ALK: variants seen among roughly 807,000 people sequenced by gnomAD.
The protein encoded by ALK is ALK receptor tyrosine kinase.
In ALK, 74 loss-of-function variants were observed where a neutral mutation model predicts 163.1. The observed-to-expected ratio is 0.45, with a 90% confidence interval of 0.38 to 0.55. ALK has a LOEUF of 0.55. Ranked by LOEUF, ALK falls within the 20% of genes least tolerant of loss-of-function variation. ALK has a pLI of 0.00. For missense variants in ALK, 2,063 were observed against 2,105.3 expected (o/e 0.98, Z 0.39); for synonymous variants, 960 against 843.2 (o/e 1.14, Z -2.40).
chr2:29,423,235 C>G lies in ALK; in HGVS notation c.1155-39376G>C, dbSNP rs540015863. ...GAAAAATGAGGAAGAGGAGGAGAAA[C>G]AAGGGGGAGGAGGAGGAACCTGAGA... On this transcript the variant is annotated intron_variant, in intron 4 of 28. Coordinates refer to ENST00000389048, the MANE Select transcript of ALK (RefSeq NM_004304.5). Among the ~76,000 whole-genome samples, 9 of 152,126 alleles carry G rather than the reference C, an allele frequency of 5.9e-5. No individual in the cohort carries two copies. In the South Asian group the frequency reaches 1.7e-3, roughly 28 times the overall value.
At chr2:29,385,382 GT>G (rs59445973) in intron 4 of ALK, among the ~76,000 whole-genome samples, 49,968 of 138,002 alleles carry the variant, frequency 0.36, 8,752 homozygotes, top group East Asian at 0.48. Flanking sequence ...CTGTCAGGTT[GT>G]TTTTTTTTTT....
intron 1 of ALK, among the ~76,000 whole-genome samples, chr2:29,861,007 C>A (rs756034113): frequency 1.3e-5 from 2 of 151,900 alleles, no homozygotes; most frequent in African/African-American, 2.4e-5. Flanking sequence ...CCTATCTCTA[C>A]AAAAAAATAA....
At chr2:29,866,293 C>T (rs1666433210) in intron 1 of ALK, among the ~76,000 whole-genome samples, 1 of 152,198 alleles carries the variant, frequency 6.6e-6, no homozygotes, top group Non-Finnish European at 1.5e-5. Context: ...AGGAACTGAA[C>T]TCACTCCCAC....
rs373690440 is a variant in ALK, at chr2:29,320,734, C to T, written c.1546+17G>A. On this transcript the variant is annotated intron_variant, in intron 7 of 28. Coordinates refer to ENST00000389048, the MANE Select transcript of ALK (RefSeq NM_004304.5). ...ATGAAGATGGGCACCAGAGAGAAGG[C>T]AGGAGAGCAGTAGTACCTTGGTGGT... is the stretch of plus-strand genomic sequence containing the variant. 2.5e-6 allele frequency: 4 copies of T among 1,612,936 alleles called. No homozygotes were observed. The highest frequency in any genetic ancestry group is 2.7e-5 in the African/African-American group (2 of 74,892).
intron 6 of ALK, among the ~76,000 whole-genome samples, chr2:29,322,738 G>A (rs1256790174): frequency 6.6e-6 from 1 of 152,254 alleles, no homozygotes; most frequent in African/African-American, 2.4e-5. Context: ...GGAGGCTGAG[G>A]CAGGAGAATC....
chr2:29,194,896 A>G (rs1233528674), intron 28 of ALK, among the ~76,000 whole-genome samples: 1 of 152,158 alleles, frequency 6.6e-6, no homozygotes, highest in Non-Finnish European at 1.5e-5. Flanking sequence ...TGTGTGCTAG[A>G]TCATTTTCAC....
Position 29,255,843 on chromosome 2 carries a change from T to C in ALK, c.2042-4576A>G, listed in dbSNP as rs1275144359. Among the ~76,000 whole-genome samples, 7 of 152,306 alleles carry C rather than the reference T, an allele frequency of 4.6e-5. No homozygotes were observed. In the East Asian group the frequency reaches 9.6e-4, roughly 21 times the overall value. On this transcript the variant is annotated intron_variant, in intron 11 of 28. Transcript: ENST00000389048. The stretch of plus-strand genomic sequence containing the variant: ...TATTCTGTTTTATCTATAGTGTCTC[T>C]CTGAAGCTGCTCCATACACTATTGA...
At chr2:29,463,404 G>A (rs1188337764) in intron 4 of ALK, among the ~76,000 whole-genome samples, 1 of 152,134 alleles carries the variant, frequency 6.6e-6, no homozygotes, top group South Asian at 2.1e-4. Flanking sequence ...CTGTTCTTTG[G>A]TTTATTCAGA....
chr2:29,538,082 T>C (rs184110074), intron 3 of ALK, among the ~76,000 whole-genome samples: 11 of 152,356 alleles, frequency 7.2e-5, no homozygotes, highest in Admixed American at 2.6e-4. Flanking sequence ...ACATGAGGCT[T>C]TGGACTGTGG....
chr2:29,341,320 C>T (rs1478210859), intron 5 of ALK, among the ~76,000 whole-genome samples: 2 of 152,134 alleles, frequency 1.3e-5, no homozygotes, highest in African/African-American at 2.4e-5. Context: ...TGATGGCTGC[C>T]CACTCATACC....
At chr2:29,845,568 G>A (rs1665821554) in intron 1 of ALK, among the ~76,000 whole-genome samples, 1 of 152,082 alleles carries the variant, frequency 6.6e-6, no homozygotes, top group Non-Finnish European at 1.5e-5. Context: ...CCAAGTAGCT[G>A]GGAGTACGGG....
At chr2:29,714,496 C>T (rs573840308) in intron 2 of ALK, among the ~76,000 whole-genome samples, 1 of 152,238 alleles carries the variant, frequency 6.6e-6, no homozygotes, top group South Asian at 2.1e-4. Context: ...AAAAGAAAGC[C>T]ATTCCAATTC....
At chr2:29,350,322 T>C (rs1397173657) in intron 5 of ALK, among the ~76,000 whole-genome samples, 1 of 152,220 alleles carries the variant, frequency 6.6e-6, no homozygotes, top group Non-Finnish European at 1.5e-5. Context: ...TTATTCTGCA[T>C]GCTGCATGAG....
At chr2:29,817,248 T>C (rs1430911804) in intron 1 of ALK, among the ~76,000 whole-genome samples, 2 of 152,176 alleles carry the variant, frequency 1.3e-5, no homozygotes, top group African/African-American at 2.4e-5. Context: ...GTGACCTGAA[T>C]ACTGATCTTA....
intron 3 of ALK, among the ~76,000 whole-genome samples, chr2:29,692,424 T>C (rs1678426164): frequency 6.6e-6 from 1 of 152,238 alleles, no homozygotes; most frequent in African/African-American, 2.4e-5. Context: ...GACTAGTTTC[T>C]TGGAAGACAA....
At chr2:29,666,903 C>A (rs1203942398) in intron 3 of ALK, among the ~76,000 whole-genome samples, 1 of 151,998 alleles carries the variant, frequency 6.6e-6, no homozygotes, top group African/African-American at 2.4e-5. Context: ...ATGAGATCCA[C>A]TTTTTAAGCT....
chr2:29,750,705 CAGGCAGGA>C lies in ALK; in HGVS notation c.668-33016_668-33009del, dbSNP rs879490779. ...GAAGGAAGGAAGGAAGGAAGGCAGG[CAGGCAGGA>C]AGGAAGGAAGGAAGGAAGAAAGGGA... On this transcript the variant is annotated intron_variant, in intron 1 of 28. Transcript: ENST00000389048. 6.6e-3 allele frequency among the ~76,000 whole-genome samples: 776 copies of C among 117,780 alleles called. 11 individuals are homozygous for C. The highest frequency in any genetic ancestry group is 0.032 in the South Asian group (113 of 3,532). The allele number at this position is 117,780 out of a possible 152,430, so 77.3% of individuals were successfully genotyped here.
At chr2:29,581,280 C>T (rs1210676047) in intron 3 of ALK, among the ~76,000 whole-genome samples, 4 of 152,228 alleles carry the variant, frequency 2.6e-5, no homozygotes, top group African/African-American at 7.2e-5. Context: ...CCCAGCTGCT[C>T]GGGAGGCTGA....
chr2:29,540,096 A>G lies in ALK; in HGVS notation c.953-7980T>C, dbSNP rs1317582373. ...TTATTTTACCAAGGCCTTGACTGAA[A>G]TGGTATATTTTCAAATATGATCAGA... On this transcript the variant is annotated intron_variant, in intron 3 of 28. Coordinates refer to ENST00000389048, the MANE Select transcript of ALK (RefSeq NM_004304.5). Among the ~76,000 whole-genome samples the G allele has an allele frequency of 3.9e-5, 6 of 152,258 alleles. No homozygotes were observed. The East Asian group carries it at 1.2e-3, about 29-fold the overall frequency.
Sources: gnomAD v4.1 joint callset for allele counts (sites outside exome capture counted in the v4.1 genomes callset) on GRCh38, gnomAD v4.1.1 for gene constraint, MANE v1.5 for transcripts, NCBI Gene and HGNC (gene_info 2026-07-23, HGNC 2026-07-21) for gene names.